CLSTN2: variants seen among roughly 807,000 people sequenced by gnomAD.
CLSTN2 encodes the protein calsyntenin-2.
A neutral mutation model predicts 101.2 loss-of-function variants in CLSTN2; 48 were observed. The observed-to-expected ratio is 0.47, with a 90% CI of 0.38 to 0.60. CLSTN2 has a LOEUF of 0.60. CLSTN2 is among the 20% of genes least tolerant of loss of function. The pLI, the probability that CLSTN2 is intolerant of heterozygous loss-of-function variation, is 0.00. For missense variants in CLSTN2, 1,160 were observed against 1,238.2 expected, an observed-to-expected ratio of 0.94 and a Z score of 0.95; for synonymous variants, 481 against 463.6, an observed-to-expected ratio of 1.04 and a Z score of -0.48.
intron 8 of CLSTN2, among the ~76,000 whole-genome samples, chr3:140,484,294 C>T (rs1385793082): frequency 2.0e-5 from 3 of 152,176 alleles, no homozygotes; most frequent in Admixed American, 6.5e-5. Flanking sequence ...TATTGGCCCC[C>T]ACTCTCTTCT....
At chr3:140,077,036 A>G (rs995189853) in intron 1 of CLSTN2, among the ~76,000 whole-genome samples, 1 of 152,096 alleles carries the variant, frequency 6.6e-6, no homozygotes. Context: ...ACATTTTTCA[A>G]CTCTGAATTT....
intron 2 of CLSTN2, among the ~76,000 whole-genome samples, chr3:140,347,148 G>A (rs902192004): frequency 3.3e-5 from 5 of 152,102 alleles, no homozygotes; most frequent in African/African-American, 1.2e-4. Context: ...TTTTCTTGAT[G>A]GTTTTCTCAA....
intron 2 of CLSTN2, among the ~76,000 whole-genome samples, chr3:140,328,472 G>T (rs532146848): frequency 2.6e-5 from 4 of 152,236 alleles, no homozygotes; most frequent in African/African-American, 9.6e-5. Flanking sequence ...TCTTCCTATG[G>T]TTCCCACTCC....
intron 2 of CLSTN2, among the ~76,000 whole-genome samples, chr3:140,241,870 CATATAT>C (rs72373622): frequency 3.0e-5 from 4 of 132,282 alleles, no homozygotes; most frequent in Non-Finnish European, 3.2e-5. Flanking sequence ...TATATATACA[CATATAT>C]ATATACACAC....
chr3:140,462,688 C>A (rs1462686726), intron 7 of CLSTN2: 1 of 152,172 alleles, frequency 6.6e-6, no homozygotes, highest in Non-Finnish European at 1.5e-5. Context: ...AGAAAAACAT[C>A]TCAGTAGGTA....
intron 1 of CLSTN2, among the ~76,000 whole-genome samples, chr3:140,033,833 G>A (rs1470901440): frequency 6.6e-6 from 1 of 152,104 alleles, no homozygotes; most frequent in Non-Finnish European, 1.5e-5. Context: ...TATCCTTAAA[G>A]GGATGAAGAT....
chr3:140,046,459 CTT>C (rs1179321759), intron 1 of CLSTN2, among the ~76,000 whole-genome samples: 5 of 152,142 alleles, frequency 3.3e-5, no homozygotes, highest in Non-Finnish European at 5.9e-5. Flanking sequence ...GGTCTTGACT[CTT>C]TATCCAATTT....
intron 1 of CLSTN2, among the ~76,000 whole-genome samples, chr3:140,149,847 C>T (rs1035746906): frequency 6.6e-6 from 1 of 152,106 alleles, no homozygotes; most frequent in Non-Finnish European, 1.5e-5. Context: ...CAAATTTAAC[C>T]GGGTGTCCTG....
rs1484001021 is a variant in CLSTN2 at position 139,936,563 on chromosome 3, G to C, written c.109+1080G>C. Among the ~76,000 whole-genome samples, 3 of 152,320 alleles carry C rather than the reference G, an allele frequency of 2.0e-5. No individual in the cohort carries two copies. In the East Asian group the frequency reaches 5.8e-4, roughly 29 times the overall value. On this transcript the variant is annotated intron_variant, in intron 1 of 16. Transcript: ENST00000458420. ...ATCATCAGAGGGCGGAGGGGTTTGC[G>C]CCTGTCAGAAAATAGATTCCCTGTT...
chr3:140,043,131 G>T (rs575673216), intron 1 of CLSTN2, among the ~76,000 whole-genome samples: 1 of 152,140 alleles, frequency 6.6e-6, no homozygotes, highest in South Asian at 2.1e-4. Context: ...CTAGTTTACA[G>T]TCCCACCAAC....
At chr3:139,971,445 C>G (rs745725482) in intron 1 of CLSTN2, among the ~76,000 whole-genome samples, 4 of 152,156 alleles carry the variant, frequency 2.6e-5, no homozygotes, top group Non-Finnish European at 4.4e-5. Flanking sequence ...TGGAGATACA[C>G]AAAGGAGTGG....
At chr3:140,404,361 C>G (rs900714415) in intron 3 of CLSTN2, among the ~76,000 whole-genome samples, 197 bp from the exon 4 acceptor site, 2 of 152,222 alleles carry the variant, frequency 1.3e-5, no homozygotes, top group Admixed American at 1.3e-4. Context: ...ATGGATTCAT[C>G]TCAGAGCGTC....
Position 140,566,134 on chromosome 3 carries a change from A to G in CLSTN2, c.2749A>G (p.Ser917Gly). 8 of 1,611,534 alleles carry G rather than the reference A, an allele frequency of 5.0e-6. No homozygotes were observed. The highest frequency in any genetic ancestry group is 4.2e-6 in the Non-Finnish European group (5 of 1,177,696). Residue 917 changes from serine (S) to glycine (G), a missense_variant, in exon 17 of 17, where the codon AGT (serine) becomes GGT (glycine). Coordinates refer to ENST00000458420, the MANE Select transcript of CLSTN2 (RefSeq NM_022131.3). Reference protein sequence around the residue: ...EEAEEEMSSSSGSDDSEEEEE... With the variant: ...EEAEEEMSSSGGSDDSEEEEE... The stretch of plus-strand genomic sequence containing the variant: ...AGCCGAGGAAGAAATGAGCTCCAGC[A>G]GTGGCTCTGACGACAGCGAAGAGGA...
At chr3:140,427,207 G>GTATATATATATATATATGTGTGTA (rs1559866720) in intron 5 of CLSTN2, among the ~76,000 whole-genome samples, 1 of 84,988 alleles carries the variant, frequency 1.2e-5, no homozygotes, top group Non-Finnish European at 2.0e-5. Flanking sequence ...ATATATATGT[G>GTATATATATATATATATGTGTGTA]TATATATATA....
At chr3:140,188,978 A>G (rs947256677) in intron 2 of CLSTN2, among the ~76,000 whole-genome samples, 2 of 152,190 alleles carry the variant, frequency 1.3e-5, no homozygotes, top group Non-Finnish European at 2.9e-5. Context: ...GTTCTCATTC[A>G]GTAATTTAGT....
At chr3:140,417,142 G>A (rs1401862729) in intron 4 of CLSTN2, among the ~76,000 whole-genome samples, 1 of 151,866 alleles carries the variant, frequency 6.6e-6, no homozygotes, top group African/African-American at 2.4e-5. Flanking sequence ...ACAAAATTAG[G>A]GCCGCAATGT....
At chr3:140,115,805 C>T (rs773676821) in intron 1 of CLSTN2, among the ~76,000 whole-genome samples, 13 of 152,158 alleles carry the variant, frequency 8.5e-5, no homozygotes, top group Admixed American at 3.9e-4. Context: ...GCAACTGCTC[C>T]GAAGCTTTCA....
intron 1 of CLSTN2, among the ~76,000 whole-genome samples, chr3:139,945,483 G>A (rs1935201781): frequency 6.6e-6 from 1 of 152,208 alleles, no homozygotes. Flanking sequence ...TCTTTATACT[G>A]TCTTATTAAT....
At chr3:140,565,094 A>T (rs1936002407) in intron 16 of CLSTN2, among the ~76,000 whole-genome samples, 2 of 152,238 alleles carry the variant, frequency 1.3e-5, no homozygotes. Flanking sequence ...CAAAGAGCTG[A>T]GCCTTGAGTG....
Sources: allele counts gnomAD v4.1 joint callset (sites outside exome capture counted in the v4.1 genomes callset), GRCh38; gene constraint gnomAD v4.1.1; transcripts MANE v1.5; gene names NCBI Gene and HGNC (gene_info 2026-07-23, HGNC 2026-07-21).